The following CCDC91 variants were observed in gnomAD, a reference collection of about 807,000 sequenced individuals.
CCDC91 encodes the protein coiled-coil domain-containing protein 91.
In CCDC91, 48 loss-of-function variants were observed where a neutral mutation model predicts 63.2. The ratio of observed to expected loss-of-function variants is 0.76; its 90% CI spans 0.60 to 0.97. The LOEUF (loss-of-function observed/expected upper bound fraction) is 0.97. Among genes scored for constraint, CCDC91 ranks in the 50% least tolerant of loss-of-function variants. The pLI, the probability that CCDC91 is intolerant of heterozygous loss-of-function variation, is 0.00. For synonymous variants in CCDC91, 167 were observed against 165.8 expected (o/e 1.01, Z -0.06); for missense variants, 500 against 494.6 (o/e 1.01, Z -0.10).
rs571434630 is a variant in CCDC91 at position 28,190,652 on chromosome 12, G to C, written c.-15+11G>C. 19 of 153,004 alleles carry C rather than the reference G, an allele frequency of 1.2e-4. No homozygotes were observed. The East Asian group carries it at 3.5e-3, about 28-fold the overall frequency. The allele number at this position is 153,004 out of a possible 1,614,324, so 9.5% of individuals were successfully genotyped here. Reference sequence around the variant, plus strand: ...GAGAGAGGGGAGCAGGTAAGTGAACGCTCGCCTTCCGGGGCCTGGGTCTTG... The same window carrying C: ...GAGAGAGGGGAGCAGGTAAGTGAACCCTCGCCTTCCGGGGCCTGGGTCTTG... On this transcript the variant is annotated intron_variant, in intron 1 of 12. Transcript: ENST00000536442.
intron 6 of CCDC91, among the ~76,000 whole-genome samples, chr12:28,330,386 A>T (rs1000710075): frequency 6.6e-6 from 1 of 150,802 alleles, no homozygotes. Flanking sequence ...GCATTTTTTC[A>T]TGTGTCTGTT....
At chr12:28,284,404 G>C (rs1948787309) in intron 3 of CCDC91, among the ~76,000 whole-genome samples, 1 of 152,070 alleles carries the variant, frequency 6.6e-6, no homozygotes, top group African/African-American at 2.4e-5. Context: ...TGTAATCCCG[G>C]CACTTTGGGA....
At chr12:28,334,056 G>GTGTGTA (rs143724750) in intron 6 of CCDC91, among the ~76,000 whole-genome samples, 1,867 of 152,072 alleles carry the variant, frequency 0.012, 8 homozygotes, top group Middle Eastern at 0.02. Flanking sequence ...GTGTGTGTGT[G>GTGTGTA]TGTGTATGTG....
At chr12:28,287,198 G>A (rs1325298647) in intron 3 of CCDC91, among the ~76,000 whole-genome samples, 1 of 152,048 alleles carries the variant, frequency 6.6e-6, no homozygotes, top group East Asian at 1.9e-4. Context: ...CTGTGCAGAA[G>A]CCCTTTAGTT....
intron 1 of CCDC91, among the ~76,000 whole-genome samples, chr12:28,248,152 A>G (rs1945882888): frequency 6.6e-6 from 1 of 152,170 alleles, no homozygotes; most frequent in Non-Finnish European, 1.5e-5. Flanking sequence ...GATGACTGCA[A>G]GTTTTCTTCT....
chr12:28,434,046 G>A (rs1027319811), intron 8 of CCDC91, among the ~76,000 whole-genome samples: 9 of 151,684 alleles, frequency 5.9e-5, no homozygotes, highest in East Asian at 1.9e-4. Flanking sequence ...TAAATCTTGC[G>A]CTGTGCACCC....
chr12:28,408,519 A>T (rs1358896383), intron 8 of CCDC91, among the ~76,000 whole-genome samples: 1 of 151,962 alleles, frequency 6.6e-6, no homozygotes, highest in African/African-American at 2.4e-5. Flanking sequence ...TGTGGTTTTG[A>T]TTTGCATTTC....
At position 28,305,873 on chromosome 12, in the gene CCDC91, G is replaced by T. The variant is rs1938670970; in HGVS notation, c.267+67G>T. On this transcript the variant is annotated intron_variant, in intron 4 of 12. Coordinates refer to ENST00000536442, the MANE Select transcript of CCDC91 (RefSeq NM_018318.5). ...AAAATTGCCTGCTAATTTAATTGTT[G>T]CTTTTTTAATTTCTTTTTTAGCCTA... The T allele has an allele frequency of 3.7e-6, 5 of 1,337,780 alleles. No individual in the cohort carries two copies. The South Asian group carries it at 5.6e-5, about 15-fold the overall frequency. 82.9% of individuals were successfully genotyped at this position (1,337,780 alleles called of 1,614,324 possible).
At chr12:28,320,385 C>CTT (rs1269338026) in intron 6 of CCDC91, among the ~76,000 whole-genome samples, 1 of 150,710 alleles carries the variant, frequency 6.6e-6, no homozygotes, top group Non-Finnish European at 1.5e-5. Flanking sequence ...TGAGTTTTTT[C>CTT]TTTTTTTTTA....
intron 12 of CCDC91, among the ~76,000 whole-genome samples, chr12:28,526,828 G>A (rs1236857057): frequency 6.6e-6 from 1 of 151,602 alleles, no homozygotes; most frequent in African/African-American, 2.4e-5. Flanking sequence ...TGTCTTTGTT[G>A]GATTGGGTTA....
At chr12:28,439,923 A>C (rs561406336) in intron 8 of CCDC91, among the ~76,000 whole-genome samples, 32 of 151,722 alleles carry the variant, frequency 2.1e-4, no homozygotes, top group Non-Finnish European at 4.3e-4. Context: ...TTAAGTATCT[A>C]ATGTATTAGT....
intron 11 of CCDC91, among the ~76,000 whole-genome samples, chr12:28,452,896 T>C (rs1236383983): frequency 6.6e-6 from 1 of 151,884 alleles, no homozygotes; most frequent in Middle Eastern, 3.2e-3. Flanking sequence ...TACTTTATTT[T>C]CTAAAAGGTC....
intron 8 of CCDC91, among the ~76,000 whole-genome samples, chr12:28,408,695 T>C (rs1947125587): frequency 6.6e-6 from 1 of 152,088 alleles, no homozygotes; most frequent in African/African-American, 2.4e-5. Context: ...CAGGCTGGAG[T>C]GCAGTGGCAT....
intron 11 of CCDC91, among the ~76,000 whole-genome samples, chr12:28,474,550 G>T (rs1163094754): frequency 6.6e-6 from 1 of 152,010 alleles, no homozygotes; most frequent in African/African-American, 2.4e-5. Flanking sequence ...TAATGTTGTT[G>T]TTACACAGCA....
At chr12:28,228,515 T>C (rs1452656149) in intron 1 of CCDC91, among the ~76,000 whole-genome samples, 1 of 152,062 alleles carries the variant, frequency 6.6e-6, no homozygotes, top group Non-Finnish European at 1.5e-5. Flanking sequence ...TTATCGATGG[T>C]AACCAGGCTT....
chr12:28,487,711 G>A (rs979177188), intron 12 of CCDC91, among the ~76,000 whole-genome samples: 2 of 151,276 alleles, frequency 1.3e-5, no homozygotes, highest in African/African-American at 4.8e-5. Context: ...TTAAAAGCCC[G>A]ATAGACCTTG....
chr12:28,332,402 G>A (rs16932764), intron 6 of CCDC91, among the ~76,000 whole-genome samples: 2,539 of 152,176 alleles, frequency 0.017, 26 homozygotes, highest in South Asian at 0.029. Context: ...TCAGAAAAGA[G>A]CATCCTAAGT....
At chr12:28,508,035 T>C (rs1482560979) in intron 12 of CCDC91, among the ~76,000 whole-genome samples, 1 of 151,826 alleles carries the variant, frequency 6.6e-6, no homozygotes, top group Non-Finnish European at 1.5e-5. Flanking sequence ...TTGGCCAAGG[T>C]AGCAGTTGTT....
chr12:28,421,475 C>G (rs542910771), intron 8 of CCDC91, among the ~76,000 whole-genome samples: 59 of 151,776 alleles, frequency 3.9e-4, no homozygotes, highest in Admixed American at 1.2e-3. Context: ...GTTTTCAGTC[C>G]CTAGTTAGAT....
Sources: gnomAD v4.1 joint callset for allele counts (sites outside exome capture counted in the v4.1 genomes callset) on GRCh38, gnomAD v4.1.1 for gene constraint, MANE v1.5 for transcripts, NCBI Gene and HGNC (gene_info 2026-07-23, HGNC 2026-07-21) for gene names.